XNDC1N: variants seen among roughly 807,000 people sequenced by gnomAD.
XNDC1N encodes the protein protein XNDC1N.
the XNDC1N span, among the ~76,000 whole-genome samples, chr11:71,887,852 T>A: frequency 6.6e-6 from 1 of 152,152 alleles, no homozygotes; most frequent in Non-Finnish European, 1.5e-5. Context: ...GGACAGCTGG[T>A]TCACCTGCTT....
chr11:71,925,017 T>C, the XNDC1N span, among the ~76,000 whole-genome samples: 1 of 151,906 alleles, frequency 6.6e-6, no homozygotes, highest in Admixed American at 6.6e-5. Flanking sequence ...TTTTCCCTTT[T>C]CTCCACGATT....
At chr11:71,867,627 A>G in the XNDC1N span, among the ~76,000 whole-genome samples, 1 of 152,122 alleles carries the variant, frequency 6.6e-6, no homozygotes, top group Non-Finnish European at 1.5e-5. Context: ...ATTTATTTCT[A>G]TTTTTATTGG....
chr11:71,889,910 T>G, the XNDC1N span, among the ~76,000 whole-genome samples: 9 of 152,208 alleles, frequency 5.9e-5, no homozygotes, highest in Admixed American at 2.0e-4. Flanking sequence ...ACCCCTGTGC[T>G]TCTTCGTGAT....
chr11:71,903,056 A>G, the XNDC1N span: 206 of 496,654 alleles, frequency 4.1e-4, 9 homozygotes, highest in South Asian at 4.0e-3. Context: ...CTGAGTGTGG[A>G]TTGCTCTGAA....
At chr11:71,884,611 A>C in the XNDC1N span, 1 of 1,552,990 alleles carries the variant, frequency 6.4e-7, no homozygotes, top group Non-Finnish European at 8.7e-7. Flanking sequence ...ACATGTCTTA[A>C]ACTCTCTTAT....
chr11:71,876,839 C>G, the XNDC1N span, among the ~76,000 whole-genome samples: 1 of 152,208 alleles, frequency 6.6e-6, no homozygotes, highest in Non-Finnish European at 1.5e-5. Context: ...GATTCTTGAT[C>G]AGAGATGCTA....
the XNDC1N span, among the ~76,000 whole-genome samples, chr11:71,907,248 G>A: frequency 6.6e-6 from 1 of 152,114 alleles, no homozygotes; most frequent in East Asian, 1.9e-4. Context: ...GTCCCAGGGT[G>A]TTAACCAAGT....
At chr11:71,891,774 C>A in the XNDC1N span, among the ~76,000 whole-genome samples, 7 of 152,056 alleles carry the variant, frequency 4.6e-5, no homozygotes, top group Non-Finnish European at 1.0e-4. Context: ...AGCATACTCT[C>A]CTTCCCTGGA....
the XNDC1N span, among the ~76,000 whole-genome samples, chr11:71,921,151 CTAGT>C: frequency 6.6e-6 from 1 of 151,900 alleles, no homozygotes; most frequent in Non-Finnish European, 1.5e-5. Flanking sequence ...GCCACTGCAC[CTAGT>C]TAATTTGTAT....
the XNDC1N span, chr11:71,893,762 T>C: frequency 2.7e-6 from 3 of 1,131,046 alleles, no homozygotes; most frequent in Non-Finnish European, 3.7e-6. Context: ...GCGGACTGCC[T>C]GACACAGATT....
the XNDC1N span, among the ~76,000 whole-genome samples, chr11:71,920,989 A>C: frequency 1.3e-5 from 2 of 151,878 alleles, no homozygotes; most frequent in East Asian, 3.9e-4. Context: ...TAAGTAAATA[A>C]ATTTCTTCTT....
the XNDC1N span, among the ~76,000 whole-genome samples, chr11:71,915,165 C>T: frequency 6.6e-6 from 1 of 152,056 alleles, no homozygotes; most frequent in Non-Finnish European, 1.5e-5. Context: ...TTACGACTCG[C>T]TGGCCGGGCA....
At chr11:71,919,978 G>T in the XNDC1N span, among the ~76,000 whole-genome samples, 2 of 67,334 alleles carry the variant, frequency 3.0e-5, no homozygotes, top group African/African-American at 1.1e-4. Flanking sequence ...TTGAGACAGA[G>T]TCTCGCTCTG....
At chr11:71,916,032 G>A in the XNDC1N span, 1 of 686,556 alleles carries the variant, frequency 1.5e-6, no homozygotes, top group East Asian at 2.7e-5. Flanking sequence ...AACCTGAAAA[G>A]GAAGGGAAAA....
chr11:71,912,313 G>T, the XNDC1N span, among the ~76,000 whole-genome samples: 3 of 152,162 alleles, frequency 2.0e-5, no homozygotes, highest in African/African-American at 7.2e-5. Flanking sequence ...CCTACTCTGG[G>T]TGGGTGGAGA....
At chr11:71,903,401 T>G in the XNDC1N span, 1 of 1,409,674 alleles carries the variant, frequency 7.1e-7, no homozygotes, top group Non-Finnish European at 1.0e-6. Context: ...TTGCCTGACA[T>G]CGGTTTCACC....
chr11:71,918,862 T>A, the XNDC1N span: 2 of 701,542 alleles, frequency 2.9e-6, no homozygotes, highest in Non-Finnish European at 5.2e-6. Context: ...TTCCTCAAGG[T>A]TCCTAGGCCA....
At chr11:71,888,902 C>T in the XNDC1N span, among the ~76,000 whole-genome samples, 2 of 152,210 alleles carry the variant, frequency 1.3e-5, no homozygotes, top group South Asian at 2.1e-4. Context: ...CCCTGTCAAG[C>T]CTGGTTGTGT....
At chr11:71,924,546 T>C in the XNDC1N span, among the ~76,000 whole-genome samples, 2 of 151,898 alleles carry the variant, frequency 1.3e-5, no homozygotes, top group South Asian at 2.1e-4. Context: ...GGCGTGGTGG[T>C]GGGCGCCTGT....
Sources: gnomAD v4.1 joint callset for allele counts (sites outside exome capture counted in the v4.1 genomes callset) on GRCh38, gnomAD v4.1.1 for gene constraint, MANE v1.5 for transcripts, NCBI Gene and HGNC (gene_info 2026-07-23, HGNC 2026-07-21) for gene names.